Variants in ARHGAP6 observed in about 807,000 individuals in gnomAD.
The protein encoded by ARHGAP6 is Rho GTPase activating protein 6.
In ARHGAP6, 16 loss-of-function variants were observed where a neutral mutation model predicts 55.7. The observed-to-expected ratio is 0.29, with a 90% CI of 0.19 to 0.44. ARHGAP6 has a LOEUF of 0.44. Ranked by LOEUF, ARHGAP6 falls within the 20% of genes least tolerant of loss-of-function variation. The pLI, the probability that ARHGAP6 is intolerant of heterozygous loss-of-function variation, is 1.00. For missense variants in ARHGAP6, 698 were observed against 808.9 expected (o/e 0.86, Z 1.66); for synonymous variants, 382 against 360.9 (o/e 1.06, Z -0.66).
intron 1 of ARHGAP6, among the ~76,000 whole-genome samples, chrX:11,541,397 A>G (rs1374412734): frequency 9.0e-6 from 1 of 110,916 alleles, no homozygotes; most frequent in Non-Finnish European, 1.9e-5. Context: ...TGAGAGCCCA[A>G]TAAATGAGGT....
intron 1 of ARHGAP6, among the ~76,000 whole-genome samples, chrX:11,455,348 T>C (rs1423580336): frequency 8.9e-6 from 1 of 112,177 alleles, no homozygotes; most frequent in Non-Finnish European, 1.9e-5. Context: ...ATCTTTGTCA[T>C]TCTACAAAGC....
intron 9 of ARHGAP6, among the ~76,000 whole-genome samples, chrX:11,162,957 G>GACAT (rs1345679608): frequency 1.8e-5 from 2 of 112,007 alleles, no homozygotes; most frequent in African/African-American, 6.5e-5. Context: ...GGTAGTGAAA[G>GACAT]ACATATTACA....
intron 1 of ARHGAP6, among the ~76,000 whole-genome samples, chrX:11,276,505 T>C (rs747378226): frequency 4.6e-4 from 51 of 111,820 alleles, no homozygotes; most frequent in Admixed American, 1.0e-3. Flanking sequence ...TAAAATCACT[T>C]CCAGTAAAAA....
At chrX:11,518,738 C>T (rs1475048163) in intron 1 of ARHGAP6, among the ~76,000 whole-genome samples, 1 of 101,067 alleles carries the variant, frequency 9.9e-6, no homozygotes, top group Non-Finnish European at 2.0e-5. Context: ...CACCCACTAA[C>T]TTTTCATCTA....
chrX:11,159,247 A>G (rs898390146), intron 9 of ARHGAP6, among the ~76,000 whole-genome samples: 1 of 111,300 alleles, frequency 9.0e-6, no homozygotes, highest in Admixed American at 9.5e-5. Flanking sequence ...ACTTACTTGC[A>G]GTGGGTGGGG....
chrX:11,258,951 T>C (rs2238904), intron 1 of ARHGAP6, among the ~76,000 whole-genome samples: 27,811 of 111,004 alleles, frequency 0.25, 2,948 homozygotes, highest in African/African-American at 0.4. Context: ...ATGGGGTATC[T>C]GTCCCCTCAA....
chrX:11,162,338 C>G (rs186824163), intron 9 of ARHGAP6, among the ~76,000 whole-genome samples: 2 of 94,271 alleles, frequency 2.1e-5, no homozygotes, highest in Admixed American at 1.1e-4. Flanking sequence ...ACTGTGCCCC[C>G]CCCCCCATAT....
chrX:11,217,632 A>G, intron 2 of ARHGAP6, among the ~76,000 whole-genome samples: 1 of 111,759 alleles, frequency 8.9e-6, no homozygotes, highest in Non-Finnish European at 1.9e-5. Context: ...AGATGGATAG[A>G]TTGCAAAAAT....
chrX:11,566,985 C>G (rs2051449280), intron 1 of ARHGAP6, among the ~76,000 whole-genome samples: 1 of 111,825 alleles, frequency 8.9e-6, no homozygotes, highest in African/African-American at 3.2e-5. Flanking sequence ...TCACAACAAA[C>G]CCAGTAAAAA....
chrX:11,524,025 G>A (rs2050963811), intron 1 of ARHGAP6, among the ~76,000 whole-genome samples: 1 of 111,723 alleles, frequency 9.0e-6, no homozygotes, highest in Non-Finnish European at 1.9e-5. Flanking sequence ...TTAGGGTACT[G>A]GGAAAATTGA....
chrX:11,663,842 G>C (rs924473666), intron 1 of ARHGAP6, among the ~76,000 whole-genome samples: 2 of 112,586 alleles, frequency 1.8e-5, no homozygotes, highest in South Asian at 7.3e-4. Context: ...TACAGAACAA[G>C]ATGGCAGACA....
At chrX:11,634,059 A>C (rs1203920622) in intron 1 of ARHGAP6, among the ~76,000 whole-genome samples, 2 of 108,973 alleles carry the variant, frequency 1.8e-5, no homozygotes, top group East Asian at 5.7e-4. Context: ...TGAGTGGTTT[A>C]AGCCATGTGC....
intron 1 of ARHGAP6, among the ~76,000 whole-genome samples, chrX:11,568,602 C>T (rs901115513): frequency 2.7e-5 from 3 of 110,566 alleles, no homozygotes; most frequent in African/African-American, 6.6e-5. Context: ...ACTAAAAATA[C>T]AAAAATTAGC....
At chrX:11,658,040 G>A (rs977169616) in intron 1 of ARHGAP6, among the ~76,000 whole-genome samples, 1 of 111,926 alleles carries the variant, frequency 8.9e-6, no homozygotes, top group African/African-American at 3.3e-5. Context: ...AAGCAGTCGT[G>A]GTCACTTACT....
chrX:11,195,421 A>C (rs182387738), intron 3 of ARHGAP6, among the ~76,000 whole-genome samples: 128 of 111,165 alleles, frequency 1.2e-3, no homozygotes, highest in Middle Eastern at 4.6e-3. Context: ...GTGAGCTTGA[A>C]TATCAGTTTT....
intron 1 of ARHGAP6, among the ~76,000 whole-genome samples, chrX:11,431,248 T>A (rs948633022): frequency 4.4e-5 from 5 of 112,589 alleles, no homozygotes; most frequent in African/African-American, 1.3e-4. Flanking sequence ...TCTACTAGCA[T>A]CACCTTTAAG....
intron 1 of ARHGAP6, among the ~76,000 whole-genome samples, chrX:11,624,732 T>C (rs2052274331): frequency 9.0e-6 from 1 of 111,576 alleles, no homozygotes; most frequent in African/African-American, 3.3e-5. Context: ...TTTGTATTTT[T>C]AGTAGAGACG....
intron 1 of ARHGAP6, among the ~76,000 whole-genome samples, chrX:11,323,615 A>G (rs2048459933): frequency 8.9e-6 from 1 of 112,038 alleles, no homozygotes; most frequent in South Asian, 3.7e-4. Context: ...CTGTAATCCC[A>G]GCACTTTGGG....
intron 2 of ARHGAP6, among the ~76,000 whole-genome samples, chrX:11,249,775 A>G (rs765506506): frequency 8.9e-6 from 1 of 112,311 alleles, no homozygotes; most frequent in African/African-American, 3.2e-5. Flanking sequence ...AATGTGCTAT[A>G]AAGTTTAGTT....
Sources: gnomAD v4.1 joint callset for allele counts (sites outside exome capture counted in the v4.1 genomes callset) on GRCh38, gnomAD v4.1.1 for gene constraint, MANE v1.5 for transcripts, NCBI Gene and HGNC (gene_info 2026-07-23, HGNC 2026-07-21) for gene names.